Variants in SLC4A4 observed in about 807,000 individuals in gnomAD.
The protein encoded by SLC4A4 is solute carrier family 4 member 4.
Under a neutral mutation model 111.5 loss-of-function variants are expected in SLC4A4, and 27 were observed. The observed-to-expected ratio is 0.24, with a 90% CI of 0.18 to 0.33. The LOEUF (loss-of-function observed/expected upper bound fraction) is 0.33. SLC4A4 is among the 10% of genes least tolerant of loss of function. The pLI is 1.00. For missense variants in SLC4A4, 909 were observed against 1,315.5 expected (o/e 0.69, Z 4.78); for synonymous variants, 443 against 463.4 (o/e 0.96, Z 0.57).
chr4:71,110,233 TAGAC>T (rs1411787377), intron 2 of SLC4A4, among the ~76,000 whole-genome samples: 7 of 152,262 alleles, frequency 4.6e-5, no homozygotes, highest in Admixed American at 1.3e-4. Flanking sequence ...TTTATTTTCT[TAGAC>T]AGGGTCTCAC....
At chr4:71,298,621 T>C (rs1370124835) in intron 3 of SLC4A4, among the ~76,000 whole-genome samples, 2 of 152,176 alleles carry the variant, frequency 1.3e-5, no homozygotes. Flanking sequence ...GCTTACACAG[T>C]CAACAACATA....
chr4:71,236,155 A>T, intron 1 of SLC4A4: 1 of 1,050,850 alleles, frequency 9.5e-7, no homozygotes, highest in Non-Finnish European at 1.1e-6. Flanking sequence ...GTGGGTGTTT[A>T]AAGAGCTAAG....
intron 16 of SLC4A4, among the ~76,000 whole-genome samples, chr4:71,526,287 G>T (rs541154668): frequency 1.3e-5 from 2 of 152,142 alleles, no homozygotes; most frequent in East Asian, 3.9e-4. Flanking sequence ...CTCTCCAGGA[G>T]TGATTTCTGC....
chr4:71,241,512 G>A (rs1720221303), intron 2 of SLC4A4, among the ~76,000 whole-genome samples: 1 of 152,090 alleles, frequency 6.6e-6, no homozygotes, highest in Admixed American at 6.6e-5. Context: ...TAAAAAAACT[G>A]GGGCCTGGTA....
intron 3 of SLC4A4, among the ~76,000 whole-genome samples, chr4:71,285,874 A>G (rs1485459366): frequency 6.6e-6 from 1 of 152,160 alleles, no homozygotes; most frequent in Non-Finnish European, 1.5e-5. Context: ...ATGACTTTTC[A>G]TAACAAAACT....
At chr4:71,383,872 C>T (rs1718404784) in intron 6 of SLC4A4, among the ~76,000 whole-genome samples, 1 of 152,138 alleles carries the variant, frequency 6.6e-6, no homozygotes, top group Non-Finnish European at 1.5e-5. Flanking sequence ...GTGTGAGCCA[C>T]CATGCTGTCT....
intron 7 of SLC4A4, chr4:71,434,368 C>CA (rs201300599): frequency 3.9e-4 from 67 of 171,188 alleles, no homozygotes; most frequent in South Asian, 6.0e-4. Flanking sequence ...CAAAAAACAA[C>CA]AAAAAAAACC....
intron 14 of SLC4A4, among the ~76,000 whole-genome samples, chr4:71,485,975 G>T (rs1013094967): frequency 1.3e-5 from 2 of 151,270 alleles, no homozygotes; most frequent in African/African-American, 4.9e-5. Context: ...CTTCTTAAAG[G>T]TTTATATAGG....
chr4:71,570,452 G>A lies in SLC4A4; in HGVS notation c.*2701G>A, dbSNP rs1737859606. 2.0e-5 allele frequency: 3 copies of A among 152,134 alleles called. No homozygotes were observed. Among genetic ancestry groups the A allele is most frequent in the African/African-American group, 4.8e-5 (2 of 41,356 alleles). The allele number at this position is 152,134 out of a possible 1,614,324, so 9.4% of individuals were successfully genotyped here. A position where few individuals can be genotyped will look rare whatever the true frequency, so the allele number is the denominator to read the frequency against. On this transcript the variant is annotated 3_prime_UTR_variant, in exon 26 of 26. Transcript: ENST00000264485. ...AACCAAACTAACAAGCAAAACCTGA[G>A]GTTTACCTAGTGACACCAAATTATC...
intron 7 of SLC4A4, among the ~76,000 whole-genome samples, chr4:71,419,528 C>T (rs561379060): frequency 6.6e-6 from 1 of 152,350 alleles, no homozygotes; most frequent in East Asian, 1.9e-4. Context: ...CCTGGTGCCC[C>T]GTTTTTTAAG....
At chr4:71,100,516 AC>A (rs1047126340) in intron 2 of SLC4A4, among the ~76,000 whole-genome samples, 1 of 152,116 alleles carries the variant, frequency 6.6e-6, no homozygotes, top group Non-Finnish European at 1.5e-5. Flanking sequence ...AGCTGGAAGC[AC>A]CCCCCTTGAA....
chr4:71,235,299 G>T (rs1358816122), intron 1 of SLC4A4, among the ~76,000 whole-genome samples: 1 of 152,134 alleles, frequency 6.6e-6, no homozygotes, highest in Non-Finnish European at 1.5e-5. Flanking sequence ...TTCTAAAATA[G>T]TAAGGACAAA....
chr4:71,533,271 G>T lies in SLC4A4; in HGVS notation c.2281-956G>T, dbSNP rs116681529. On this transcript the variant is annotated intron_variant, in intron 17 of 25. Transcript: ENST00000264485. ...TAATATTTATTGAATATTGAGTCAGGCTCTAAGCTGGAAATTTGAAATGCA... is the reference window on the plus strand; with the variant it reads ...TAATATTTATTGAATATTGAGTCAGTCTCTAAGCTGGAAATTTGAAATGCA... Among the ~76,000 whole-genome samples the T allele has an allele frequency of 4.6e-3, 694 of 152,144 alleles. 7 individuals carry two copies. The highest frequency in any genetic ancestry group is 0.016 in the African/African-American group (673 of 41,524).
intron 2 of SLC4A4, among the ~76,000 whole-genome samples, chr4:71,117,568 T>G (rs1343616791): frequency 6.6e-6 from 1 of 152,200 alleles, no homozygotes; most frequent in Non-Finnish European, 1.5e-5. Flanking sequence ...TCATCTCTCT[T>G]TCCTCTAGAG....
At chr4:71,414,747 T>C (rs3935294) in intron 7 of SLC4A4, among the ~76,000 whole-genome samples, 30,055 of 152,212 alleles carry the variant, frequency 0.2, 3,318 homozygotes, top group South Asian at 0.43. Flanking sequence ...GTTCCTTCCA[T>C]AACCTTTCTT....
At chr4:71,426,531 C>T (rs1423762872) in intron 7 of SLC4A4, among the ~76,000 whole-genome samples, 2 of 152,078 alleles carry the variant, frequency 1.3e-5, no homozygotes, top group Non-Finnish European at 2.9e-5. Flanking sequence ...ACGTACTAGT[C>T]TCTAACCATC....
chr4:71,127,172 G>T (rs1167467431), intron 2 of SLC4A4, among the ~76,000 whole-genome samples: 1 of 152,182 alleles, frequency 6.6e-6, no homozygotes, highest in Admixed American at 6.5e-5. Context: ...GAGTGGAAAG[G>T]AATTGTAGTC....
At chr4:71,332,980 A>G (rs1441296411) in intron 3 of SLC4A4, among the ~76,000 whole-genome samples, 2 of 152,212 alleles carry the variant, frequency 1.3e-5, no homozygotes, top group African/African-American at 2.4e-5. Flanking sequence ...TCTCTGTCTG[A>G]AAGGTCATAT....
chr4:71,367,087 C>T (rs1731404618), intron 6 of SLC4A4, among the ~76,000 whole-genome samples: 1 of 152,170 alleles, frequency 6.6e-6, no homozygotes, highest in African/African-American at 2.4e-5. Flanking sequence ...TGGTGAGGCT[C>T]TGCCTCAATG....
Sources: gnomAD v4.1 joint callset for allele counts (sites outside exome capture counted in the v4.1 genomes callset) on GRCh38, gnomAD v4.1.1 for gene constraint, MANE v1.5 for transcripts, NCBI Gene and HGNC (gene_info 2026-07-23, HGNC 2026-07-21) for gene names.